MSH3: variants seen among roughly 807,000 people sequenced by gnomAD.
MSH3 encodes mutS homolog 3, also known as DNA mismatch repair protein Msh3.
In MSH3, 106 loss-of-function variants were observed where a neutral mutation model predicts 123.3. That is an observed-to-expected ratio of 0.86 (90% CI 0.73 to 1.01). MSH3 has a LOEUF of 1.01. Ranked by LOEUF, MSH3 falls within the 50% of genes least tolerant of loss-of-function variation. The probability of loss-of-function intolerance (pLI) is 0.00; values close to 1 mark genes in which losing one functional copy is unlikely to be tolerated. For missense variants in MSH3, 1,459 were observed against 1,347.6 expected (o/e 1.08, Z -1.29); for synonymous variants, 515 against 481.4 (o/e 1.07, Z -0.91).
intron 12 of MSH3, among the ~76,000 whole-genome samples, chr5:80,745,216 C>T (rs1211496990): frequency 6.6e-6 from 1 of 152,196 alleles, no homozygotes; most frequent in East Asian, 1.9e-4. Flanking sequence ...ACAAAATACT[C>T]ATGCCTGTGT....
intron 21 of MSH3, among the ~76,000 whole-genome samples, chr5:80,862,428 G>A (rs535467488): frequency 6.6e-6 from 1 of 152,222 alleles, no homozygotes; most frequent in African/African-American, 2.4e-5. Context: ...GAGGTTTCCA[G>A]AATATATAAA....
At chr5:80,665,482 A>G in intron 3 of MSH3, 119 bp downstream of exon 3, 1 of 756,940 alleles carries the variant, frequency 1.3e-6, no homozygotes, top group Non-Finnish European at 2.2e-6. Context: ...CTTCTGAATC[A>G]TCTGAGGGAG....
chr5:80,786,824 A>G (rs1744517765), intron 17 of MSH3, among the ~76,000 whole-genome samples: 2 of 152,162 alleles, frequency 1.3e-5, no homozygotes, highest in South Asian at 4.1e-4. Context: ...GTATTCATGT[A>G]TGTTTTCTGA....
rs553663124 is a variant in MSH3, at chr5:80,874,570, C to T, written c.3303-1181C>T. ...CTGCAAAGTCCAGAGACAAATTAAACTCTTTAGTTGCCATATTATTATTGT... is the reference window on the plus strand; with the variant it reads ...CTGCAAAGTCCAGAGACAAATTAAATTCTTTAGTTGCCATATTATTATTGT... On this transcript the variant is annotated intron_variant, in intron 23 of 23. Coordinates refer to ENST00000265081, the MANE Select transcript of MSH3 (RefSeq NM_002439.5). Among the ~76,000 whole-genome samples, 7 of 152,140 alleles carry T rather than the reference C, an allele frequency of 4.6e-5. No individual in the cohort carries two copies. The East Asian group carries it at 1.3e-3, about 29-fold the overall frequency.
At chr5:80,720,528 C>T (rs1561455127) in intron 8 of MSH3, among the ~76,000 whole-genome samples, 1 of 152,030 alleles carries the variant, frequency 6.6e-6, no homozygotes, top group Non-Finnish European at 1.5e-5. Flanking sequence ...TGTGTGCCTT[C>T]TAGACTATCG....
Position 80,670,088 on chromosome 5 carries a change from G to C in MSH3, c.580-9G>C, listed in dbSNP as rs2112812088. ...ATTTTTAAAACTTTATACATCTTTT[G>C]GTTGCCAGGACACAACACTTTTTGA... On this transcript the variant is annotated splice_polypyrimidine_tract_variant and intron_variant, in intron 3 of 23. Transcript: ENST00000265081. The C allele has an allele frequency of 6.2e-7, 1 of 1,612,896 alleles. No homozygotes were observed. The highest frequency in any genetic ancestry group is 8.5e-7 in the Non-Finnish European group (1 of 1,179,058).
chr5:80,779,914 A>G (rs997531358), intron 17 of MSH3, among the ~76,000 whole-genome samples: 5 of 151,988 alleles, frequency 3.3e-5, no homozygotes, highest in African/African-American at 7.2e-5. Context: ...AATTTTCCCA[A>G]TGTCCCCCCG....
intron 10 of MSH3, among the ~76,000 whole-genome samples, chr5:80,735,710 A>C (rs1277951880): frequency 1.3e-5 from 2 of 152,136 alleles, no homozygotes; most frequent in Non-Finnish European, 2.9e-5. Flanking sequence ...AAACCAAAAA[A>C]GAACAGAAGA....
intron 21 of MSH3, among the ~76,000 whole-genome samples, chr5:80,856,511 T>G (rs942720454): frequency 8.2e-6 from 1 of 121,834 alleles, no homozygotes; most frequent in South Asian, 2.6e-4. Flanking sequence ...TGAGAACACA[T>G]GGGCACAGGA....
chr5:80,747,182 T>C (rs1743737354), intron 12 of MSH3, among the ~76,000 whole-genome samples: 1 of 152,184 alleles, frequency 6.6e-6, no homozygotes. Context: ...TCTACTACAA[T>C]TCTTACTGTG....
intron 21 of MSH3, among the ~76,000 whole-genome samples, chr5:80,862,349 G>T (rs533445520): frequency 6.6e-6 from 1 of 152,162 alleles, no homozygotes; most frequent in East Asian, 1.9e-4. Context: ...CAAAACTGGA[G>T]TTCTTTGATT....
At position 80,787,899 on chromosome 5, in the gene MSH3, A is replaced by G. The variant is rs1042903000; in HGVS notation, c.2543+227A>G. 2.0e-5 allele frequency among the ~76,000 whole-genome samples: 3 copies of G among 152,184 alleles called. No homozygotes were observed. The South Asian group carries it at 6.2e-4, about 31-fold the overall frequency. On this transcript the variant is annotated intron_variant, in intron 18 of 23. Coordinates refer to ENST00000265081, the MANE Select transcript of MSH3 (RefSeq NM_002439.5). ...AGATGTTAAAGTTTATGTGGGTGAC[A>G]TTTTTATAAAGTTTCAGCACTCTTT...
chr5:80,768,218 A>G (rs1407012320), intron 14 of MSH3, 98 bp downstream of exon 14: 1 of 1,125,398 alleles, frequency 8.9e-7, no homozygotes, highest in Non-Finnish European at 1.3e-6. Flanking sequence ...TAGAATAATA[A>G]TAGAAGTTGC....
chr5:80,690,425 A>G (rs1235023122), intron 8 of MSH3, among the ~76,000 whole-genome samples: 2 of 152,156 alleles, frequency 1.3e-5, no homozygotes, highest in East Asian at 3.9e-4. Flanking sequence ...CTTCTGCCTC[A>G]GACTCCCCAG....
chr5:80,709,544 C>T (rs1305067952), intron 8 of MSH3, among the ~76,000 whole-genome samples: 1 of 152,082 alleles, frequency 6.6e-6, no homozygotes, highest in African/African-American at 2.4e-5. Context: ...ATGGTGTGAA[C>T]CCGGGAGGCG....
At chr5:80,667,395 T>C (rs745748313) in intron 3 of MSH3, among the ~76,000 whole-genome samples, 2 of 152,218 alleles carry the variant, frequency 1.3e-5, no homozygotes, top group Non-Finnish European at 2.9e-5. Context: ...AGGAAAATTG[T>C]TATGCAATCC....
At chr5:80,857,723 G>T (rs1006175765) in intron 21 of MSH3, among the ~76,000 whole-genome samples, 1 of 152,156 alleles carries the variant, frequency 6.6e-6, no homozygotes, top group Non-Finnish European at 1.5e-5. Context: ...TTTGTCCACG[G>T]CATCCGTAGT....
At chr5:80,736,546 G>A (rs747345646) in intron 10 of MSH3, among the ~76,000 whole-genome samples, 15 of 152,182 alleles carry the variant, frequency 9.9e-5, no homozygotes, top group Non-Finnish European at 1.9e-4. Flanking sequence ...CTTGGCCCTT[G>A]ACTGGAGTCT....
chr5:80,790,148 G>C (rs1040136961), intron 18 of MSH3, among the ~76,000 whole-genome samples: 39 of 152,218 alleles, frequency 2.6e-4, no homozygotes, highest in African/African-American at 9.4e-4. Flanking sequence ...GGAAACACTT[G>C]GACTTGTACA....
Sources: allele counts gnomAD v4.1 joint callset (sites outside exome capture counted in the v4.1 genomes callset), GRCh38; gene constraint gnomAD v4.1.1; transcripts MANE v1.5; gene names NCBI Gene and HGNC (gene_info 2026-07-23, HGNC 2026-07-21).